Variants in GSTA5 observed in about 807,000 individuals in gnomAD.
The protein encoded by GSTA5 is glutathione S-transferase A5.
In GSTA5, 25 loss-of-function variants were observed where a neutral mutation model predicts 21.8. The ratio of observed to expected loss-of-function variants is 1.14; its 90% CI spans 0.83 to 1.60. The LOEUF (loss-of-function observed/expected upper bound fraction) is 1.60. Among genes scored for constraint, GSTA5 ranks in the 40% most tolerant of loss-of-function variants. The pLI, the probability that GSTA5 is intolerant of heterozygous loss-of-function variation, is 0.00. For missense variants in GSTA5, 330 were observed against 259.2 expected, an observed-to-expected ratio of 1.27 and a Z score of -1.88; for synonymous variants, 102 against 89.5, an observed-to-expected ratio of 1.14 and a Z score of -0.78.
At chr6:52,835,060 G>A (rs1435958243) in intron 3 of GSTA5, among the ~76,000 whole-genome samples, 3 of 152,170 alleles carry the variant, frequency 2.0e-5, no homozygotes, top group Non-Finnish European at 4.4e-5. Flanking sequence ...ACTATTGAGT[G>A]GTTTTTGGTG....
upstream of GSTA5, among the ~76,000 whole-genome samples, chr6:52,842,899 C>T (rs1764400822): frequency 6.6e-6 from 1 of 152,142 alleles, no homozygotes; most frequent in African/African-American, 2.4e-5. Flanking sequence ...TATCCCTTCC[C>T]TAGGCCCCCA....
Position 52,840,825 on chromosome 6 carries a change from C to T in GSTA5, c.-12G>A, listed in dbSNP as rs148310613. On this transcript the variant is annotated 5_prime_UTR_variant, in exon 1 of 6. Transcript: ENST00000370989. ...GGCTTCTCTGCCATGATAGCAGTCT[C>T]CTGGAGGTTTCTCTAAGCCTGAATG... is the stretch of plus-strand genomic sequence containing the variant. 30 of 1,610,658 alleles carry T rather than the reference C, an allele frequency of 1.9e-5. No individual in the cohort carries two copies. The highest frequency in any genetic ancestry group is 3.4e-5 in the Admixed American group (2 of 59,698).
At chr6:52,832,703 T>C (rs1336739746) in intron 5 of GSTA5, among the ~76,000 whole-genome samples, 156 bp downstream of exon 5, 2 of 152,182 alleles carry the variant, frequency 1.3e-5, no homozygotes, top group Non-Finnish European at 2.9e-5. Flanking sequence ...GTTTTCATTC[T>C]TCAAAATTGG....
chr6:52,834,376 C>T (rs1764264314), intron 3 of GSTA5, 94 bp from the exon 4 acceptor site: 1 of 1,225,636 alleles, frequency 8.2e-7, no homozygotes, highest in South Asian at 1.5e-5. Flanking sequence ...CAGATGGTGG[C>T]AAAGTAATTC....
chr6:52,832,906 C>T (rs1228452606), exon 5 of GSTA5: 15 of 1,614,110 alleles, frequency 9.3e-6, no homozygotes, highest in South Asian at 8.8e-5. Context: ...AGCTCTTCCA[C>T]GTAGTAGAAA....
At chr6:52,832,823 T>C in intron 5 of GSTA5, 36 bp downstream of exon 5, 2 of 1,612,772 alleles carry the variant, frequency 1.2e-6, no homozygotes, top group South Asian at 1.1e-5. Context: ...ATATAAGAGA[T>C]GTGGGGCTGT....
intron 3 of GSTA5, among the ~76,000 whole-genome samples, chr6:52,835,407 C>T (rs1325380354): frequency 6.6e-6 from 1 of 152,138 alleles, no homozygotes; most frequent in African/African-American, 2.4e-5. Context: ...TTTTCTCCTC[C>T]ATTTATTGAT....
intron 3 of GSTA5, among the ~76,000 whole-genome samples, chr6:52,835,515 ATTGT>A (rs1764279481): frequency 6.6e-6 from 1 of 151,884 alleles, no homozygotes; most frequent in Admixed American, 6.6e-5. Flanking sequence ...TGTATTTTTG[ATTGT>A]TTGGGGATAT....
At chr6:52,832,317 T>C (rs925392830) in intron 5 of GSTA5, among the ~76,000 whole-genome samples, 7 of 152,102 alleles carry the variant, frequency 4.6e-5, no homozygotes, top group African/African-American at 1.7e-4. Context: ...AGTAAAACTA[T>C]GGGGAAATGA....
chr6:52,845,377 G>T (rs141342103), upstream of GSTA5, among the ~76,000 whole-genome samples: 3 of 152,132 alleles, frequency 2.0e-5, no homozygotes, highest in Non-Finnish European at 2.9e-5. Flanking sequence ...GGGAGAGGGC[G>T]CTACAAATCA....
exon 5 of GSTA5, chr6:52,832,901 T>C: frequency 6.2e-7 from 1 of 1,614,148 alleles, no homozygotes; most frequent in Non-Finnish European, 8.5e-7. Context: ...AGTCAAGCTC[T>C]TCCACGTAGT....
At chr6:52,834,811 A>G (rs183182875) in intron 3 of GSTA5, among the ~76,000 whole-genome samples, 44 of 152,194 alleles carry the variant, frequency 2.9e-4, no homozygotes, top group Admixed American at 5.9e-4. Flanking sequence ...AGTTCTTCCA[A>G]TTACACCCAT....
At chr6:52,836,935 T>C (rs1484866251) in intron 2 of GSTA5, among the ~76,000 whole-genome samples, 1 of 152,238 alleles carries the variant, frequency 6.6e-6, no homozygotes. Context: ...AGGACTCTTG[T>C]ATTTTTTGTG....
chr6:52,846,080 T>C, the GSTA5 span: 1 of 159,438 alleles, frequency 6.3e-6, no homozygotes, highest in South Asian at 2.0e-4. Flanking sequence ...TCTGTCACTG[T>C]CGTGGCTGGG....
upstream of GSTA5, among the ~76,000 whole-genome samples, chr6:52,844,585 A>G (rs115731999): frequency 4.7e-3 from 715 of 152,330 alleles, 6 homozygotes; most frequent in African/African-American, 0.016. Context: ...ACTGTTTCTT[A>G]TCGGAGAGAA....
At chr6:52,844,056 G>A (rs1764421011), upstream of GSTA5, among the ~76,000 whole-genome samples, 1 of 152,030 alleles carries the variant, frequency 6.6e-6, no homozygotes, top group African/African-American at 2.4e-5. Flanking sequence ...CCTCATTCAT[G>A]GTCAATATCT....
chr6:52,841,823 G>A (rs1764380746), upstream of GSTA5, among the ~76,000 whole-genome samples: 1 of 152,268 alleles, frequency 6.6e-6, no homozygotes, highest in Non-Finnish European at 1.5e-5. Context: ...GTGGATCTGG[G>A]ATGCAGACTC....
chr6:52,840,761 G>A (rs1195254045), exon 1 of GSTA5: 3 of 1,614,090 alleles, frequency 1.9e-6, no homozygotes, highest in Non-Finnish European at 1.7e-6. Flanking sequence ...CCACCGAATG[G>A]ACTCCATACT....
At chr6:52,832,114 A>G (rs1291966252) in intron 5 of GSTA5, 144 bp from the exon 6 acceptor site, 10 of 1,169,568 alleles carry the variant, frequency 8.6e-6, no homozygotes, top group African/African-American at 6.2e-5. Context: ...ACAGACACCC[A>G]GTGAGAAATG....
Sources: gnomAD v4.1 joint callset for allele counts (sites outside exome capture counted in the v4.1 genomes callset) on GRCh38, gnomAD v4.1.1 for gene constraint, MANE v1.5 for transcripts, NCBI Gene and HGNC (gene_info 2026-07-23, HGNC 2026-07-21) for gene names.